The following ELOVL7 variants were observed in gnomAD, a reference collection of about 807,000 sequenced individuals.
The protein encoded by ELOVL7 is very long chain fatty acid elongase 7.
A neutral mutation model predicts 35.7 loss-of-function variants in ELOVL7; 27 were observed. That is an observed-to-expected ratio of 0.76 (90% CI 0.56 to 1.04). The LOEUF (loss-of-function observed/expected upper bound fraction) is 1.04. Among genes scored for constraint, ELOVL7 ranks in the 50% least tolerant of loss-of-function variants. The pLI is 0.00. For missense variants in ELOVL7, 327 were observed against 340.8 expected (o/e 0.96, Z 0.32); for synonymous variants, 113 against 114.6 (o/e 0.99, Z 0.09).
chr5:60,819,519 T>C (rs753064314), intron 1 of ELOVL7, among the ~76,000 whole-genome samples: 16 of 152,116 alleles, frequency 1.1e-4, no homozygotes, highest in Non-Finnish European at 2.2e-4. Flanking sequence ...CGGTGGCTCA[T>C]GCCTGTAATC....
chr5:60,795,875 A>G (rs1381516208), intron 2 of ELOVL7, among the ~76,000 whole-genome samples: 1 of 152,198 alleles, frequency 6.6e-6, no homozygotes, highest in Non-Finnish European at 1.5e-5. Context: ...GCATGGCCCA[A>G]GGTTCCATTC....
chr5:60,819,640 G>A (rs908004666), intron 1 of ELOVL7, among the ~76,000 whole-genome samples: 2 of 152,090 alleles, frequency 1.3e-5, no homozygotes, highest in African/African-American at 2.4e-5. Context: ...AAATTAGCTC[G>A]GCGTGGTGGC....
intron 4 of ELOVL7, chr5:60,768,739 A>G (rs1456700913): frequency 2.2e-6 from 1 of 454,884 alleles, no homozygotes; most frequent in Non-Finnish European, 4.4e-6. Context: ...CACATATATG[A>G]AATTGTTGGC....
intron 3 of ELOVL7, among the ~76,000 whole-genome samples, chr5:60,777,840 C>CATTA (rs1405699447): frequency 1.3e-5 from 2 of 152,068 alleles, no homozygotes; most frequent in African/African-American, 4.8e-5. Context: ...GGAGTCAAAG[C>CATTA]ATTAAGTGTG....
intron 1 of ELOVL7, among the ~76,000 whole-genome samples, chr5:60,805,470 G>A (rs144912149): frequency 0.012 from 1,780 of 152,306 alleles, 20 homozygotes; most frequent in South Asian, 0.041. Flanking sequence ...TTTAGAGTTA[G>A]TTCTGTTGAC....
chr5:60,764,371 A>G, intron 6 of ELOVL7, 39 bp from the exon 7 acceptor site: 5 of 1,447,300 alleles, frequency 3.5e-6, no homozygotes, highest in Non-Finnish European at 4.8e-6. Context: ...ACAGAAAATC[A>G]TTTGATAGTG....
chr5:60,837,552 G>A (rs1272325372), intron 1 of ELOVL7, among the ~76,000 whole-genome samples: 1 of 152,162 alleles, frequency 6.6e-6, no homozygotes, highest in African/African-American at 2.4e-5. Flanking sequence ...AAATGTAAAT[G>A]CAGCCTTGAG....
At chr5:60,759,637 TTTTA>T (rs1361967986) in intron 7 of ELOVL7, among the ~76,000 whole-genome samples, 3 of 151,918 alleles carry the variant, frequency 2.0e-5, no homozygotes, top group Admixed American at 1.3e-4. Flanking sequence ...CTAAAGTTTT[TTTTA>T]TTTATTATTA....
In ELOVL7 at chr5:60,791,532, T is replaced by A. The variant is rs571174357; in HGVS notation, c.-34-4101A>T. On this transcript the variant is annotated intron_variant, in intron 2 of 8. Coordinates refer to ENST00000508821, the MANE Select transcript of ELOVL7 (RefSeq NM_024930.3). ...ACGTGTACCCCCTAAATCTAAAATA[T>A]ATTTTTTTAAGTTGTGCCAATTTAG... Among the ~76,000 whole-genome samples, 3 of 152,320 alleles carry A rather than the reference T, an allele frequency of 2.0e-5. No individual in the cohort carries two copies. In the South Asian group the frequency reaches 6.2e-4, roughly 32 times the overall value.
At chr5:60,795,545 C>T (rs928263661) in intron 2 of ELOVL7, among the ~76,000 whole-genome samples, 1 of 152,170 alleles carries the variant, frequency 6.6e-6, no homozygotes. Flanking sequence ...TGTTTTCACT[C>T]TATTAAATCT....
At chr5:60,783,234 G>A (rs1446019243) in intron 3 of ELOVL7, among the ~76,000 whole-genome samples, 2 of 152,082 alleles carry the variant, frequency 1.3e-5, no homozygotes, top group East Asian at 1.9e-4. Flanking sequence ...GATCCAATCT[G>A]CTACATTGGT....
chr5:60,824,376 G>A (rs1288953699), intron 1 of ELOVL7, among the ~76,000 whole-genome samples: 1 of 152,158 alleles, frequency 6.6e-6, no homozygotes, highest in Non-Finnish European at 1.5e-5. Context: ...GAGTAACGAT[G>A]GAGAAACGTC....
chr5:60,762,143 G>A (rs1336451286), intron 7 of ELOVL7, among the ~76,000 whole-genome samples: 3 of 151,942 alleles, frequency 2.0e-5, no homozygotes, highest in Non-Finnish European at 4.4e-5. Flanking sequence ...GGATTAAGGT[G>A]TGGACAAGAA....
rs373981645 is a variant in ELOVL7, at chr5:60,787,329, C to T, written c.64+5G>A. Reference sequence around the variant, plus strand: ...GAACCTCAATTAGGAAATGTGGTTACTCACCAGCATCTTTGATCCAATTAT... The same window carrying T: ...GAACCTCAATTAGGAAATGTGGTTATTCACCAGCATCTTTGATCCAATTAT... On this transcript the variant is annotated splice_donor_5th_base_variant and intron_variant, in intron 3 of 8. Transcript: ENST00000508821. 5.0e-6 allele frequency: 8 copies of T among 1,591,578 alleles called. No individual in the cohort carries two copies. The highest frequency in any genetic ancestry group is 6.8e-6 in the Non-Finnish European group (8 of 1,171,972).
Position 60,766,577 on chromosome 5 carries a change from A to T in ELOVL7, c.390T>A (p.Asp130Glu). 2 of 1,612,250 alleles carry T rather than the reference A, an allele frequency of 1.2e-6. No individual in the cohort carries two copies. The highest frequency in any genetic ancestry group is 1.7e-6 in the Non-Finnish European group (2 of 1,179,018). Residue 130 changes from aspartate to glutamate, a missense_variant, in exon 6 of 9, where the codon GAT becomes GAA. Coordinates refer to ENST00000508821, the MANE Select transcript of ELOVL7 (RefSeq NM_024930.3). ...YYFSKFIELL[D>E]TIFFVLRKKN... ...AATGTGGTGGCCATATACTCACCGT[A>T]TCTAATAGCTCAATAAATTTGGAGA...
chr5:60,803,392 T>G (rs1744754711), intron 1 of ELOVL7, among the ~76,000 whole-genome samples: 1 of 152,230 alleles, frequency 6.6e-6, no homozygotes, highest in African/African-American at 2.4e-5. Context: ...AAACTGAAGC[T>G]GACAGCCTGA....
At chr5:60,814,686 C>T (rs1349710666) in intron 1 of ELOVL7, among the ~76,000 whole-genome samples, 1 of 152,124 alleles carries the variant, frequency 6.6e-6, no homozygotes, top group African/African-American at 2.4e-5. Context: ...GAACTTGCCC[C>T]AGATCACACA....
At chr5:60,788,739 C>T (rs1233147987) in intron 2 of ELOVL7, among the ~76,000 whole-genome samples, 1 of 152,050 alleles carries the variant, frequency 6.6e-6, no homozygotes, top group African/African-American at 2.4e-5. Context: ...TGCCACTGCA[C>T]TCCAGCCTGG....
intron 8 of ELOVL7, among the ~76,000 whole-genome samples, chr5:60,756,089 C>T (rs1036982958): frequency 4.6e-5 from 7 of 152,024 alleles, no homozygotes; most frequent in Admixed American, 1.3e-4. Flanking sequence ...GAAGGCTAAA[C>T]GATATCCTTA....
Sources: gnomAD v4.1 joint callset for allele counts (sites outside exome capture counted in the v4.1 genomes callset) on GRCh38, gnomAD v4.1.1 for gene constraint, MANE v1.5 for transcripts, NCBI Gene and HGNC (gene_info 2026-07-23, HGNC 2026-07-21) for gene names.